PIEZO2: variants seen among roughly 807,000 people sequenced by gnomAD.
PIEZO2 encodes the protein piezo type mechanosensitive ion channel component 2, also known as piezo-type mechanosensitive ion channel component 2.
PIEZO2 carries 172 observed loss-of-function variants against 337.3 expected under a neutral mutation model. The observed-to-expected ratio is 0.51, with a 90% confidence interval of 0.45 to 0.58. The LOEUF (loss-of-function observed/expected upper bound fraction) is 0.58. Among genes scored for constraint, PIEZO2 ranks in the 20% least tolerant of loss-of-function variants. PIEZO2 has a pLI of 0.00. For synonymous variants in PIEZO2, 1,251 were observed against 1,228.5 expected (o/e 1.02, Z -0.38); for missense variants, 3,028 against 3,391.3 (o/e 0.89, Z 2.66).
At chr18:11,057,321 G>C (rs533233284) in intron 2 of PIEZO2, among the ~76,000 whole-genome samples, 1 of 152,244 alleles carries the variant, frequency 6.6e-6, no homozygotes, top group South Asian at 2.1e-4. Flanking sequence ...AAAAAGCTTA[G>C]AGTGATTCCT....
chr18:10,964,719 C>T (rs2033929612), intron 3 of PIEZO2, among the ~76,000 whole-genome samples: 2 of 152,270 alleles, frequency 1.3e-5, no homozygotes, highest in African/African-American at 2.4e-5. Flanking sequence ...CATCATCAAT[C>T]CAGAGAAACA....
intron 11 of PIEZO2, among the ~76,000 whole-genome samples, chr18:10,797,981 A>G (rs2039670856): frequency 6.6e-6 from 1 of 152,242 alleles, no homozygotes; most frequent in Admixed American, 6.5e-5. Flanking sequence ...GCTTGTCCTC[A>G]GACAAGCCAG....
At chr18:10,918,994 T>C (rs1185448309) in intron 3 of PIEZO2, among the ~76,000 whole-genome samples, 2 of 152,080 alleles carry the variant, frequency 1.3e-5, no homozygotes, top group Non-Finnish European at 2.9e-5. Context: ...AAATTTTGAT[T>C]AACGCTACCA....
At position 11,032,248 on chromosome 18, in the gene PIEZO2, G is replaced by A. The variant is rs998448638; in HGVS notation, c.160+33879C>T. Among the ~76,000 whole-genome samples, 3 of 152,196 alleles carry A rather than the reference G, an allele frequency of 2.0e-5. No homozygotes were observed. Among genetic ancestry groups the A allele is most frequent in the Non-Finnish European group, 4.4e-5 (3 of 68,036 alleles). ...CTCGGGTCTCCAGTGTGGTCCACAGGACAGAGGACAACATTTGGAACAAAT... is the reference window on the plus strand; with the variant it reads ...CTCGGGTCTCCAGTGTGGTCCACAGAACAGAGGACAACATTTGGAACAAAT... On this transcript the variant is annotated intron_variant, in intron 2 of 55. Transcript: ENST00000674853. This position sits in a 1 kb window ranked among gnomAD's most constrained non-coding sequence, Gnocchi z 4.9.
At chr18:11,095,579 G>A (rs1568369531) in intron 1 of PIEZO2, among the ~76,000 whole-genome samples, 2 of 152,166 alleles carry the variant, frequency 1.3e-5, no homozygotes, top group African/African-American at 4.8e-5. Context: ...TTTCTTAAGA[G>A]TGCATAAAAC....
At chr18:11,088,836 T>A (rs2038987080) in intron 1 of PIEZO2, among the ~76,000 whole-genome samples, 1 of 152,110 alleles carries the variant, frequency 6.6e-6, no homozygotes, top group Non-Finnish European at 1.5e-5. Flanking sequence ...GCCTCATAAC[T>A]CACACCAAGG....
Position 10,680,271 on chromosome 18 carries a change from T to C in PIEZO2, c.7880A>G (p.Lys2627Arg), listed in dbSNP as rs1382264716. ...NSLWTISPPS[K>R]QKMIHELLDP... ...CAGGAGTTCGTGTATCATTTTCTGC[T>C]TACTGGGTGGGCTGATGGTCCACAA... The change falls in exon 52 of 56, where the codon AAG becomes AGG. Residue 2627 changes from lysine (K) to arginine (R), a missense_variant. By Grantham distance (26) the Lys-to-Arg change is conservative (BLOSUM62 2). Transcript: ENST00000674853. 1 of 1,614,096 alleles carries C rather than the reference T, an allele frequency of 6.2e-7. No individual in the cohort carries two copies. The highest frequency in any genetic ancestry group is 1.1e-5 in the South Asian group (1 of 91,082).
At position 10,726,690 on chromosome 18, in the gene PIEZO2, G is replaced by C; in HGVS notation, c.5029+4717C>G. The C allele has an allele frequency of 1.4e-6, 2 of 1,430,506 alleles. No homozygotes were observed. The highest frequency in any genetic ancestry group is 2.4e-5 in the South Asian group (2 of 81,992). The allele number at this position is 1,430,506 out of a possible 1,614,324, so 88.6% of individuals were successfully genotyped here. ...CCTCGCTGCCAAGTTAATTCAGCAA[G>C]GACCAGGTGTACCTGAACGGCATCC... On this transcript the variant is annotated intron_variant, in intron 36 of 55. Coordinates refer to ENST00000674853, the MANE Select transcript of PIEZO2 (RefSeq NM_001378183.1). This position sits in a 1 kb window ranked among gnomAD's most constrained non-coding sequence, Gnocchi z 5.9.
rs1568182160 is a variant in PIEZO2 at position 10,903,167 on chromosome 18, C to T, written c.329+8019G>A. 2.0e-5 allele frequency among the ~76,000 whole-genome samples: 3 copies of T among 152,108 alleles called. No individual in the cohort carries two copies. Among genetic ancestry groups the T allele is most frequent in the East Asian group, 1.9e-4 (1 of 5,188 alleles). ...CTTCGAATTCTACTTACCTAAAATGCGTTTGGCATACATCTGCATGTCACA... is the reference window on the plus strand; with the variant it reads ...CTTCGAATTCTACTTACCTAAAATGTGTTTGGCATACATCTGCATGTCACA... On this transcript the variant is annotated intron_variant, in intron 4 of 55. Coordinates refer to ENST00000674853, the MANE Select transcript of PIEZO2 (RefSeq NM_001378183.1). This position sits in a 1 kb window ranked among gnomAD's most constrained non-coding sequence, Gnocchi z 4.1.
chr18:10,720,415 GTA>G (rs1264134293), intron 36 of PIEZO2, among the ~76,000 whole-genome samples: 1,058 of 39,858 alleles, frequency 0.027, 75 homozygotes, highest in African/African-American at 0.055. Flanking sequence ...ATGTGTATGT[GTA>G]TGTATATATA....
In PIEZO2 at chr18:10,773,488, A is replaced by T; in HGVS notation, c.2709T>A (p.Asp903Glu). 6.5e-7 allele frequency: 1 copy of T among 1,537,252 alleles called. No homozygotes were observed. Reference sequence around the variant, plus strand: ...CTGACTCCTCGCTGTCTTTCCCAAGATCACCCTTCTGGGCTTTTTCAGAGT... The same window carrying T: ...CTGACTCCTCGCTGTCTTTCCCAAGTTCACCCTTCTGGGCTTTTTCAGAGT... ...EGYSEKAQKG[D>E]LGKDSEESEE... The change falls in exon 20 of 56, where the codon GAT (aspartate) becomes GAA (glutamate). Residue 903 changes from aspartate to glutamate, a missense_variant. Physicochemically the swap from Asp to Glu is conservative, Grantham distance 45. Around this residue, in one of 5 missense-constraint regions of PIEZO2, gnomAD observed 1,925 missense variants for 2,051.9 expected, o/e 0.94. Transcript: ENST00000674853. This position sits in a 1 kb window ranked among gnomAD's most constrained non-coding sequence, Gnocchi z 5.3.
At chr18:11,061,606 C>A (rs2037960825) in intron 2 of PIEZO2, among the ~76,000 whole-genome samples, 2 of 151,998 alleles carry the variant, frequency 1.3e-5, no homozygotes. Flanking sequence ...TTCTTATACA[C>A]CAAAAACAGA....
At chr18:10,865,002 T>C (rs1256762470) in intron 5 of PIEZO2, among the ~76,000 whole-genome samples, 1 of 152,080 alleles carries the variant, frequency 6.6e-6, no homozygotes, top group African/African-American at 2.4e-5. Context: ...GAGCAAACTG[T>C]ACAGCAGAGT....
rs2040864069 is a variant in PIEZO2, at chr18:11,148,443, C to A, written c.64+82G>T. Reference sequence around the variant, plus strand: ...CGAATCGAACCCCAGAGCACCAGAGCCCTTCACTTTGTTAAGAAGTCCCCC... The same window carrying A: ...CGAATCGAACCCCAGAGCACCAGAGACCTTCACTTTGTTAAGAAGTCCCCC... On this transcript the variant is annotated intron_variant, in intron 1 of 55. Transcript: ENST00000674853. The surrounding 1 kb of genome is among the most constrained non-coding windows in gnomAD (Gnocchi z 5.2). The A allele has an allele frequency of 1.4e-6, 2 of 1,441,780 alleles. No homozygotes were observed. Among genetic ancestry groups the A allele is most frequent in the Non-Finnish European group, 1.9e-6 (2 of 1,061,248 alleles). 89.3% of individuals were successfully genotyped at this position (1,441,780 alleles called of 1,614,324 possible). A position where few individuals can be genotyped will look rare whatever the true frequency, so the allele number is the denominator to read the frequency against.
At chr18:10,843,069 G>A (rs2041244539) in intron 7 of PIEZO2, among the ~76,000 whole-genome samples, 3 of 152,172 alleles carry the variant, frequency 2.0e-5, no homozygotes, top group South Asian at 2.1e-4. Context: ...GTAGTTATGA[G>A]GCAATATATC....
chr18:11,118,022 C>T (rs1324861242), intron 1 of PIEZO2, among the ~76,000 whole-genome samples: 2 of 152,180 alleles, frequency 1.3e-5, no homozygotes, highest in Non-Finnish European at 2.9e-5. Flanking sequence ...TTTATGTTGT[C>T]AGCACACATG....
intron 47 of PIEZO2, among the ~76,000 whole-genome samples, chr18:10,691,608 T>C (rs1489151778): frequency 6.6e-6 from 1 of 151,880 alleles, no homozygotes; most frequent in African/African-American, 2.4e-5. Context: ...CAATCTGTCT[T>C]ATACTGTTGT....
rs549439710 is a variant in PIEZO2 at position 10,819,628 on chromosome 18, G to A, written c.918-12354C>T. Among the ~76,000 whole-genome samples, 7 of 152,286 alleles carry A rather than the reference G, an allele frequency of 4.6e-5. No homozygotes were observed. The highest frequency in any genetic ancestry group is 3.9e-4 in the Admixed American group (6 of 15,284). ...ATTACACAGGTGTTTTCTCAATGTT[G>A]TTCTCAATGCATCATCGGTGTTCAC... is the stretch of plus-strand genomic sequence containing the variant. On this transcript the variant is annotated intron_variant, in intron 7 of 55. Transcript: ENST00000674853. The surrounding 1 kb of genome is among the most constrained non-coding windows in gnomAD (Gnocchi z 4.3).
Position 10,727,260 on chromosome 18 carries a change from A to C in PIEZO2, c.5029+4147T>G, listed in dbSNP as rs2036578849. 4.9e-6 allele frequency: 1 copy of C among 205,536 alleles called. No individual in the cohort carries two copies. Among genetic ancestry groups the C allele is most frequent in the Admixed American group, 6.0e-5 (1 of 16,708 alleles). 12.7% of individuals were successfully genotyped at this position (205,536 alleles called of 1,614,324 possible). On this transcript the variant is annotated intron_variant, in intron 36 of 55. Transcript: ENST00000674853. This position sits in a 1 kb window ranked among gnomAD's most constrained non-coding sequence, Gnocchi z 6.3. ...GGGGATGAGGGTGGTTTGGGAATAG[A>C]AACTTGTTCTTGCATAAGATGGCTT...
Sources: gnomAD v4.1 joint callset for allele counts (sites outside exome capture counted in the v4.1 genomes callset) on GRCh38, gnomAD v4.1.1 for gene constraint, gnomAD v4.1.1 regional missense constraint, Gnocchi (gnomAD v3.1) non-coding constraint, MANE v1.5 for transcripts, NCBI Gene and HGNC (gene_info 2026-07-23, HGNC 2026-07-21) for gene names.